The following ZNF667 variants were observed in gnomAD, a reference collection of about 807,000 sequenced individuals.
The protein encoded by ZNF667 is myocardial ischemic preconditioning upregulated 1 ortholog.
ZNF667 carries 13 observed loss-of-function variants against 31.8 expected under a neutral mutation model. That is an observed-to-expected ratio of 0.41 (90% CI 0.27 to 0.65). The LOEUF is 0.65. ZNF667 is among the 30% of genes least tolerant of loss of function. ZNF667 has a pLI of 0.32. For missense variants in ZNF667, 642 were observed against 725.6 expected (o/e 0.88, Z 1.32); for synonymous variants, 228 against 247.1 (o/e 0.92, Z 0.73).
At chr19:56,446,498 T>C (rs2042713060) in intron 6 of ZNF667, among the ~76,000 whole-genome samples, 1 of 152,206 alleles carries the variant, frequency 6.6e-6, no homozygotes, top group African/African-American at 2.4e-5. Flanking sequence ...TCTCAATGTG[T>C]TTGATTTTGG....
intron 2 of ZNF667, among the ~76,000 whole-genome samples, 168 bp downstream of exon 2, chr19:56,473,844 G>A (rs949795037): frequency 2.6e-5 from 4 of 152,280 alleles, no homozygotes; most frequent in Admixed American, 1.3e-4. Context: ...AAAGGCTCTG[G>A]AAAGATAAAC....
intron 1 of ZNF667, chr19:56,476,864 GCA>G (rs907412171): frequency 2.0e-5 from 3 of 152,910 alleles, no homozygotes; most frequent in Non-Finnish European, 4.4e-5. Context: ...ACTGACACAC[GCA>G]CACACTCCAG....
intron 6 of ZNF667, among the ~76,000 whole-genome samples, chr19:56,449,953 G>T (rs559056788): frequency 2.7e-5 from 4 of 150,688 alleles, no homozygotes; most frequent in Non-Finnish European, 5.9e-5. Flanking sequence ...AAGGGAAGAA[G>T]AATAATAAAG....
At chr19:56,472,779 G>A (rs1158134279) in intron 2 of ZNF667, 2 of 152,236 alleles carry the variant, frequency 1.3e-5, no homozygotes, top group East Asian at 3.8e-4. Flanking sequence ...AAGGTGACCA[G>A]TAGACTATTA....
At chr19:56,474,263 G>C (rs2147852982) in intron 1 of ZNF667, 139 bp from the exon 2 acceptor site, 1 of 152,398 alleles carries the variant, frequency 6.6e-6, no homozygotes, top group Non-Finnish European at 1.5e-5. Flanking sequence ...AATTGGGGGA[G>C]GGTCCTGATA....
In ZNF667 at chr19:56,467,008, A is replaced by G. The variant is rs1314725306; in HGVS notation, c.-59-4579T>C. On this transcript the variant is annotated intron_variant, in intron 3 of 6. Coordinates refer to ENST00000504904, the MANE Select transcript of ZNF667 (RefSeq NM_001321356.2). ...ACTCACCTTGAATTCCTTCCTGTGCAAGATCCAAGAACCCTCTCTTATGGT... is the reference window on the plus strand; with the variant it reads ...ACTCACCTTGAATTCCTTCCTGTGCGAGATCCAAGAACCCTCTCTTATGGT... 3 of 456,502 alleles carry G rather than the reference A, an allele frequency of 6.6e-6. No homozygotes were observed. In the Admixed American group the frequency reaches 7.0e-5, roughly 11 times the overall value. The allele number at this position is 456,502 out of a possible 1,614,324, so 28.3% of individuals were successfully genotyped here.
rs772060372 is a variant in ZNF667 at position 56,442,003 on chromosome 19, T to G, written c.992A>C (p.Lys331Thr). ...QRSHHLENPF[K>T]CRKCGKLFNR... ...AAATAATTTCCCACATTTTCTGCATTTAAAAGGATTCTCTAAATGGTGACT... is the reference window on the plus strand; with the variant it reads ...AAATAATTTCCCACATTTTCTGCATGTAAAAGGATTCTCTAAATGGTGACT... The change falls in exon 7 of 7, where the codon AAA becomes ACA. Residue 331 changes from lysine to threonine, a missense_variant. By Grantham distance (78) the Lys-to-Thr change is moderately conservative (BLOSUM62 -1). Coordinates refer to ENST00000504904, the MANE Select transcript of ZNF667 (RefSeq NM_001321356.2). 6.2e-7 allele frequency: 1 copy of G among 1,614,058 alleles called. No individual in the cohort carries two copies. The highest frequency in any genetic ancestry group is 2.2e-5 in the East Asian group (1 of 44,876).
At chr19:56,471,624 C>T (rs772909098) in intron 3 of ZNF667, 75 bp downstream of exon 3, 4 of 152,148 alleles carry the variant, frequency 2.6e-5, no homozygotes, top group African/African-American at 4.8e-5. Context: ...TTTTGAAACA[C>T]GTTCATTTGT....
At chr19:56,442,798 T>A (rs763671100) in intron 6 of ZNF667, 57 bp from the exon 7 acceptor site, 2 of 1,481,274 alleles carry the variant, frequency 1.4e-6, no homozygotes, top group African/African-American at 2.8e-5. Context: ...AAAATGAAGA[T>A]TCTACAATAT....
Position 56,440,922 on chromosome 19 carries a change from C to A in ZNF667, c.*240G>T. ...ACAGGTGTAAGCCACTGCGCCCAGC[C>A]AGTAATTCTTATCAAATGAAAAATG... On this transcript the variant is annotated 3_prime_UTR_variant, in exon 7 of 7. Coordinates refer to ENST00000504904, the MANE Select transcript of ZNF667 (RefSeq NM_001321356.2). The A allele has an allele frequency of 7.4e-7, 1 of 1,344,582 alleles. No homozygotes were observed. 83.3% of individuals were successfully genotyped at this position (1,344,582 alleles called of 1,614,324 possible).
intron 1 of ZNF667, among the ~76,000 whole-genome samples, chr19:56,476,328 T>C (rs977202470): frequency 6.6e-6 from 1 of 152,094 alleles, no homozygotes; most frequent in African/African-American, 2.4e-5. Flanking sequence ...ACGCAGGTGG[T>C]TGGCGGGGGC....
intron 4 of ZNF667, among the ~76,000 whole-genome samples, chr19:56,462,123 T>C (rs1183708648): frequency 6.6e-6 from 1 of 152,196 alleles, no homozygotes; most frequent in Non-Finnish European, 1.5e-5. Flanking sequence ...CCAGTGGCCA[T>C]GTGCACACTG....
In ZNF667 at chr19:56,440,729, T is replaced by C. The variant is rs955474529; in HGVS notation, c.*433A>G. 2 of 563,424 alleles carry C rather than the reference T, an allele frequency of 3.5e-6. No homozygotes were observed. Among genetic ancestry groups the C allele is most frequent in the Non-Finnish European group, 2.3e-6 (1 of 438,746 alleles). 34.9% of individuals were successfully genotyped at this position (563,424 alleles called of 1,614,324 possible). On this transcript the variant is annotated 3_prime_UTR_variant, in exon 7 of 7. Transcript: ENST00000504904. ...TCTGCTCGGTGCAACCCCCACCTCCTGGGTTCAAGCGATTCTCCTGCCTCA... is the reference window on the plus strand; with the variant it reads ...TCTGCTCGGTGCAACCCCCACCTCCCGGGTTCAAGCGATTCTCCTGCCTCA...
Position 56,460,835 on chromosome 19 carries a change from G to C in ZNF667, c.34-20C>G. On this transcript the variant is annotated intron_variant, in intron 4 of 6. Coordinates refer to ENST00000504904, the MANE Select transcript of ZNF667 (RefSeq NM_001321356.2). ...AGGTGCCTGAAATGAAAAATCAAATGTCTATTCACCATGGACTTGTGCTTC... is the reference window on the plus strand; with the variant it reads ...AGGTGCCTGAAATGAAAAATCAAATCTCTATTCACCATGGACTTGTGCTTC... The C allele has an allele frequency of 6.4e-7, 1 of 1,573,232 alleles. No individual in the cohort carries two copies. The highest frequency in any genetic ancestry group is 8.6e-7 in the Non-Finnish European group (1 of 1,160,818).
At chr19:56,454,013 T>C (rs1157211867) in intron 6 of ZNF667, among the ~76,000 whole-genome samples, 5 of 151,932 alleles carry the variant, frequency 3.3e-5, no homozygotes, top group Admixed American at 6.6e-5. Context: ...AATCAACATA[T>C]AAAAATCCAG....
chr19:56,448,984 CAGGGAAAGTA>C (rs2147704587), intron 6 of ZNF667, among the ~76,000 whole-genome samples: 1 of 152,250 alleles, frequency 6.6e-6, no homozygotes, highest in South Asian at 2.1e-4. Context: ...TCCATTCATT[CAGGGAAAGTA>C]AGGGAAAAGA....
At chr19:56,458,730 G>A (rs113278532) in intron 5 of ZNF667, among the ~76,000 whole-genome samples, 106 of 152,288 alleles carry the variant, frequency 7.0e-4, no homozygotes, top group Middle Eastern at 3.4e-3. Context: ...TGCTGACCAC[G>A]TGGAAGGTGG....
intron 6 of ZNF667, among the ~76,000 whole-genome samples, chr19:56,456,206 TAGTG>T (rs535695337): frequency 1.2e-3 from 190 of 152,358 alleles, no homozygotes; most frequent in African/African-American, 4.3e-3. Flanking sequence ...TATCCAATAC[TAGTG>T]AGTATGAAAA....
At chr19:56,474,830 T>C (rs1435974854) in intron 1 of ZNF667, 1 of 152,152 alleles carries the variant, frequency 6.6e-6, no homozygotes, top group Non-Finnish European at 1.5e-5. Flanking sequence ...ACCCGCCCTT[T>C]TTTTTCTTTT....
Sources: gnomAD v4.1 joint callset for allele counts (sites outside exome capture counted in the v4.1 genomes callset) on GRCh38, gnomAD v4.1.1 for gene constraint, MANE v1.5 for transcripts, NCBI Gene and HGNC (gene_info 2026-07-23, HGNC 2026-07-21) for gene names.